Variants in SREBF2 observed in about 807,000 individuals in gnomAD.
The protein encoded by SREBF2 is sterol regulatory element binding transcription factor 2, also known as sterol regulatory element-binding protein 2.
A neutral mutation model predicts 113.1 loss-of-function variants in SREBF2; 55 were observed. That is an observed-to-expected ratio of 0.49 (90% CI 0.39 to 0.61). The LOEUF is 0.61. Among genes scored for constraint, SREBF2 ranks in the 20% least tolerant of loss-of-function variants. SREBF2 has a pLI of 0.00. For synonymous variants in SREBF2, 593 were observed against 605.7 expected, an observed-to-expected ratio of 0.98 and a Z score of 0.31; for missense variants, 1,349 against 1,487.4, an observed-to-expected ratio of 0.91 and a Z score of 1.53.
intron 2 of SREBF2, among the ~76,000 whole-genome samples, chr22:41,868,070 C>T (rs1337601230): frequency 6.6e-6 from 1 of 152,176 alleles, no homozygotes; most frequent in African/African-American, 2.4e-5. Context: ...TGAAAGGGGC[C>T]TGTTCTTTCT....
chr22:41,850,449 C>CAA (rs766008584), intron 1 of SREBF2, among the ~76,000 whole-genome samples: 21 of 124,204 alleles, frequency 1.7e-4, no homozygotes, highest in East Asian at 4.7e-4. Context: ...GACTCCATCT[C>CAA]AAAAAAAAAA....
intron 1 of SREBF2, among the ~76,000 whole-genome samples, chr22:41,853,501 A>G (rs2076950812): frequency 6.6e-6 from 1 of 152,188 alleles, no homozygotes; most frequent in Non-Finnish European, 1.5e-5. Context: ...CAATCTTCAC[A>G]AACCATATTG....
At chr22:41,874,319 C>G (rs187863309) in intron 5 of SREBF2, among the ~76,000 whole-genome samples, 2 of 152,222 alleles carry the variant, frequency 1.3e-5, no homozygotes, top group East Asian at 3.9e-4. Context: ...CTCAGTAGTT[C>G]CAGATACAGG....
intron 13 of SREBF2, among the ~76,000 whole-genome samples, chr22:41,896,105 C>T (rs1238727332): frequency 6.6e-6 from 1 of 150,770 alleles, no homozygotes; most frequent in Non-Finnish European, 1.5e-5. Context: ...TGCGCCACTG[C>T]ACTCCAGCCT....
intron 1 of SREBF2, among the ~76,000 whole-genome samples, chr22:41,845,687 G>A (rs893051854): frequency 6.6e-6 from 1 of 152,214 alleles, no homozygotes; most frequent in Non-Finnish European, 1.5e-5. Flanking sequence ...TTTGGCATTT[G>A]GGCTGAATTG....
intron 14 of SREBF2, among the ~76,000 whole-genome samples, chr22:41,898,048 T>C (rs1234670686): frequency 6.6e-6 from 1 of 152,222 alleles, no homozygotes; most frequent in Non-Finnish European, 1.5e-5. Flanking sequence ...AACTTTTTTC[T>C]CTCTAAGCCA....
chr22:41,866,946 C>T lies in SREBF2; in HGVS notation c.204C>T (p.Gly68=), dbSNP rs775684191. The T allele has an allele frequency of 6.3e-7, 1 of 1,595,770 alleles. No homozygotes were observed. Among genetic ancestry groups the T allele is most frequent in the Non-Finnish European group, 8.6e-7 (1 of 1,167,400 alleles). Residue 68 remains glycine, a synonymous_variant, in exon 2 of 19, where the codon GGC becomes GGT. Transcript: ENST00000361204. Reference sequence around the variant, plus strand: ...GTGGTAGCAGCAGCGGCAGCAGTGGCAGCAGCAGCAGCAGCAGCAATGGCA... The same window carrying T: ...GTGGTAGCAGCAGCGGCAGCAGTGGTAGCAGCAGCAGCAGCAGCAATGGCA... ...GGSGSSSGSS[G]SSSSSSNGRG...
intron 1 of SREBF2, among the ~76,000 whole-genome samples, chr22:41,842,808 T>G (rs1183400886): frequency 6.6e-6 from 1 of 152,028 alleles, no homozygotes; most frequent in Non-Finnish European, 1.5e-5. Flanking sequence ...GCTAACATGG[T>G]GAAACCCTGT....
chr22:41,853,890 C>T (rs1254427491), intron 1 of SREBF2, among the ~76,000 whole-genome samples: 1 of 151,866 alleles, frequency 6.6e-6, no homozygotes, highest in Non-Finnish European at 1.5e-5. Context: ...AAAAAATTAG[C>T]TGGGCGTGGT....
rs905555770 is a variant in SREBF2 at position 41,873,201 on chromosome 22, AAAAAT to A, written c.868-578_868-574del. On this transcript the variant is annotated intron_variant, in intron 4 of 18. Transcript: ENST00000361204. ...AACAAGAGCGAAACTCCGTCTCAAA[AAAAAT>A]AAAATAAAATAAAATAAAGTTAGAA... is the stretch of plus-strand genomic sequence containing the variant. Among the ~76,000 whole-genome samples the A allele has an allele frequency of 5.3e-4, 80 of 152,300 alleles. 2 individuals carry two copies. Among genetic ancestry groups the A allele is most frequent in the Middle Eastern group, 3.4e-3 (1 of 294 alleles).
chr22:41,865,146 A>AACAC (rs133284), intron 1 of SREBF2, among the ~76,000 whole-genome samples: 10 of 149,588 alleles, frequency 6.7e-5, no homozygotes, highest in Admixed American at 2.0e-4. Flanking sequence ...TCCCCCAAAA[A>AACAC]ACACACACAC....
chr22:41,899,946 A>G, intron 15 of SREBF2: 1 of 1,158,854 alleles, frequency 8.6e-7, no homozygotes, highest in Middle Eastern at 3.9e-4. Context: ...ATCTCCAGAG[A>G]GTTTAATACC....
At chr22:41,889,934 G>C (rs926122875) in intron 11 of SREBF2, among the ~76,000 whole-genome samples, 1 of 152,194 alleles carries the variant, frequency 6.6e-6, no homozygotes, top group East Asian at 1.9e-4. Flanking sequence ...GGAGTCAGAG[G>C]TTGCCGTGAG....
intron 1 of SREBF2, among the ~76,000 whole-genome samples, chr22:41,854,227 G>A (rs1274254532): frequency 2.0e-5 from 3 of 151,312 alleles, no homozygotes; most frequent in Admixed American, 6.6e-5. Context: ...GCAGTGGCGC[G>A]ATCTCGACTC....
At chr22:41,899,194 A>G in intron 15 of SREBF2, 10 of 1,117,780 alleles carry the variant, frequency 8.9e-6, no homozygotes, top group Non-Finnish European at 1.0e-5. Context: ...GCACTGGAGC[A>G]TCTTGCCCCT....
At chr22:41,892,995 G>C (rs1257178255) in intron 11 of SREBF2, 122 bp from the exon 12 acceptor site, 6 of 1,213,452 alleles carry the variant, frequency 4.9e-6, no homozygotes, top group Non-Finnish European at 7.2e-6. Context: ...TCCTATCCCT[G>C]TGCTGATCTT....
intron 3 of SREBF2, among the ~76,000 whole-genome samples, chr22:41,869,341 G>A (rs976581118): frequency 5.3e-5 from 8 of 149,690 alleles, no homozygotes; most frequent in Non-Finnish European, 7.4e-5. Context: ...TGATCCACCC[G>A]CCTCGGCCTC....
intron 1 of SREBF2, among the ~76,000 whole-genome samples, chr22:41,841,215 G>A (rs1312828556): frequency 6.6e-6 from 1 of 152,114 alleles, no homozygotes; most frequent in East Asian, 1.9e-4. Flanking sequence ...CTCCAGGGAG[G>A]GATGCTTTGG....
chr22:41,879,849 T>C (rs1302779260), intron 9 of SREBF2, among the ~76,000 whole-genome samples: 1 of 152,136 alleles, frequency 6.6e-6, no homozygotes, highest in African/African-American at 2.4e-5. Context: ...CCCTCTCAGG[T>C]TGACAAAGAT....
Sources: gnomAD v4.1 joint callset for allele counts (sites outside exome capture counted in the v4.1 genomes callset) on GRCh38, gnomAD v4.1.1 for gene constraint, MANE v1.5 for transcripts, NCBI Gene and HGNC (gene_info 2026-07-23, HGNC 2026-07-21) for gene names.